MICU1: variants seen among roughly 807,000 people sequenced by gnomAD.
The protein encoded by MICU1 is mitochondrial calcium uptake 1.
A neutral mutation model predicts 56.8 loss-of-function variants in MICU1; 45 were observed. The ratio of observed to expected loss-of-function variants is 0.79; its 90% CI spans 0.62 to 1.02. The LOEUF (loss-of-function observed/expected upper bound fraction) is 1.02. Ranked by LOEUF, MICU1 falls within the 50% of genes least tolerant of loss-of-function variation. The pLI, the probability that MICU1 is intolerant of heterozygous loss-of-function variation, is 0.00. For synonymous variants in MICU1, 186 were observed against 195.1 expected (o/e 0.95, Z 0.39); for missense variants, 504 against 587.1 (o/e 0.86, Z 1.46).
At chr10:72,439,035 C>T (rs191331799) in intron 8 of MICU1, among the ~76,000 whole-genome samples, 26 of 152,328 alleles carry the variant, frequency 1.7e-4, no homozygotes, top group African/African-American at 5.8e-4. Context: ...AGGGAATCCT[C>T]CCTAACTCAT....
chr10:72,455,588 T>C (rs1415617248), intron 8 of MICU1, among the ~76,000 whole-genome samples: 2 of 152,106 alleles, frequency 1.3e-5, no homozygotes, highest in Admixed American at 6.6e-5. Flanking sequence ...TATTATAAAG[T>C]ATCACAGAAA....
chr10:72,387,704 T>C (rs1002772435), intron 10 of MICU1, among the ~76,000 whole-genome samples: 1 of 146,822 alleles, frequency 6.8e-6, no homozygotes, highest in African/African-American at 2.5e-5. Flanking sequence ...CTAATAAAAA[T>C]GTCAAAAGTG....
At chr10:72,486,079 A>G (rs1866465903) in intron 6 of MICU1, among the ~76,000 whole-genome samples, 1 of 152,204 alleles carries the variant, frequency 6.6e-6, no homozygotes, top group Non-Finnish European at 1.5e-5. Flanking sequence ...ACATCTCCCC[A>G]AATTTAAGTA....
At position 72,616,741 on chromosome 10, in the gene MICU1, T is replaced by A. The variant is rs143144206; in HGVS notation, c.-2+9269A>T. Among the ~76,000 whole-genome samples, 48 of 152,246 alleles carry A rather than the reference T, an allele frequency of 3.2e-4. No homozygotes were observed. In the East Asian group the frequency reaches 8.9e-3, roughly 28 times the overall value. On this transcript the variant is annotated intron_variant, in intron 1 of 11. Coordinates refer to ENST00000361114, the MANE Select transcript of MICU1 (RefSeq NM_001195518.2). Reference sequence around the variant, plus strand: ...TGATTATCTTCCTAGCCTCAGAAAGTTTCCTCACATACATCCACTGATCAG... The same window carrying A: ...TGATTATCTTCCTAGCCTCAGAAAGATTCCTCACATACATCCACTGATCAG...
intron 8 of MICU1, among the ~76,000 whole-genome samples, chr10:72,445,632 A>G (rs767059787): frequency 8.5e-5 from 13 of 152,154 alleles, no homozygotes; most frequent in Non-Finnish European, 7.3e-5. Flanking sequence ...TTGCATCCAT[A>G]TCAAGGCTGT....
intron 1 of MICU1, among the ~76,000 whole-genome samples, chr10:72,599,407 T>C (rs1841463668): frequency 6.6e-6 from 1 of 152,096 alleles, no homozygotes; most frequent in Admixed American, 6.6e-5. Flanking sequence ...CTGTTCTGAG[T>C]AGCAAGATGA....
intron 4 of MICU1, among the ~76,000 whole-genome samples, chr10:72,536,811 C>T (rs1433140862): frequency 1.3e-5 from 2 of 152,020 alleles, no homozygotes; most frequent in African/African-American, 2.4e-5. Flanking sequence ...TTTTCAAAAT[C>T]GGGGTGTATC....
chr10:72,575,400 C>T (rs573902968), intron 1 of MICU1, among the ~76,000 whole-genome samples: 3 of 152,236 alleles, frequency 2.0e-5, no homozygotes, highest in African/African-American at 7.2e-5. Flanking sequence ...AAATGTTACA[C>T]AGAAGCACAA....
intron 8 of MICU1, among the ~76,000 whole-genome samples, chr10:72,452,774 G>A (rs577226037): frequency 6.6e-6 from 1 of 151,890 alleles, no homozygotes; most frequent in East Asian, 1.9e-4. Flanking sequence ...TGTATTTGAA[G>A]CTATCTCATA....
intron 11 of MICU1, among the ~76,000 whole-genome samples, chr10:72,372,759 T>G (rs1360744413): frequency 6.6e-6 from 1 of 151,848 alleles, no homozygotes; most frequent in African/African-American, 2.4e-5. Flanking sequence ...GGAGAATCAC[T>G]TGAACCCAGG....
At chr10:72,468,724 T>A (rs1468822648) in intron 8 of MICU1, among the ~76,000 whole-genome samples, 3 of 152,172 alleles carry the variant, frequency 2.0e-5, no homozygotes, top group Non-Finnish European at 1.5e-5. Flanking sequence ...TTAGGTAGTA[T>A]CTTGCAAGCA....
chr10:72,420,455 A>G (rs1479992429), intron 9 of MICU1, among the ~76,000 whole-genome samples: 1 of 152,104 alleles, frequency 6.6e-6, no homozygotes, highest in Non-Finnish European at 1.5e-5. Context: ...TTTCCTTTAT[A>G]CATTACCAGT....
Position 72,566,799 on chromosome 10 carries a change from G to T in MICU1, c.-1-5C>A, listed in dbSNP as rs1382811351. Reference sequence around the variant, plus strand: ...AGTGAGTTCAGACGAAACATCCTGTGGACAATAAGTAGAAATGTCACTCTT... The same window carrying T: ...AGTGAGTTCAGACGAAACATCCTGTTGACAATAAGTAGAAATGTCACTCTT... On this transcript the variant is annotated splice_region_variant and splice_polypyrimidine_tract_variant and intron_variant, in intron 1 of 11. Coordinates refer to ENST00000361114, the MANE Select transcript of MICU1 (RefSeq NM_001195518.2). The T allele has an allele frequency of 6.2e-7, 1 of 1,604,560 alleles. No individual in the cohort carries two copies. Among genetic ancestry groups the T allele is most frequent in the Non-Finnish European group, 8.5e-7 (1 of 1,176,014 alleles).
At chr10:72,401,585 C>T (rs1038118918) in intron 10 of MICU1, among the ~76,000 whole-genome samples, 3 of 152,222 alleles carry the variant, frequency 2.0e-5, no homozygotes, top group South Asian at 2.1e-4. Context: ...ACCTGGAAGG[C>T]GAAGGTTGCA....
chr10:72,556,771 T>C (rs1280407033), intron 3 of MICU1, among the ~76,000 whole-genome samples: 1 of 152,036 alleles, frequency 6.6e-6, no homozygotes, highest in East Asian at 1.9e-4. Context: ...ATTTTGCCCA[T>C]GTTGAAAAAA....
rs1866153268 is a variant in MICU1 at position 72,477,259 on chromosome 10, G to T, written c.653-3C>A. 9.8e-6 allele frequency: 15 copies of T among 1,531,098 alleles called. No homozygotes were observed. Among genetic ancestry groups the T allele is most frequent in the Non-Finnish European group, 1.1e-5 (13 of 1,141,122 alleles). The allele number at this position is 1,531,098 out of a possible 1,614,324, so 94.8% of individuals were successfully genotyped here. On this transcript the variant is annotated splice_region_variant and splice_polypyrimidine_tract_variant and intron_variant, in intron 6 of 11. Coordinates refer to ENST00000361114, the MANE Select transcript of MICU1 (RefSeq NM_001195518.2). Reference sequence around the variant, plus strand: ...AATTTCAAAATTTCTCTGAGGAGCTGCAGAGGAGAGAAAAAAAATATTTAG... The same window carrying T: ...AATTTCAAAATTTCTCTGAGGAGCTTCAGAGGAGAGAAAAAAAATATTTAG...
intron 8 of MICU1, among the ~76,000 whole-genome samples, chr10:72,443,199 C>T (rs1193847170): frequency 6.6e-6 from 1 of 152,164 alleles, no homozygotes; most frequent in African/African-American, 2.4e-5. Context: ...TGTCCTTCGC[C>T]CACTTTTTGA....
intron 8 of MICU1, among the ~76,000 whole-genome samples, chr10:72,444,904 T>A (rs1865060795): frequency 6.6e-6 from 1 of 152,154 alleles, no homozygotes; most frequent in African/African-American, 2.4e-5. Context: ...CAAGACACAT[T>A]TTCCAGTCTA....
At chr10:72,586,001 CTTTTTTT>C (rs1431354386) in intron 1 of MICU1, among the ~76,000 whole-genome samples, 1 of 102,000 alleles carries the variant, frequency 9.8e-6, no homozygotes, top group African/African-American at 3.6e-5. Flanking sequence ...TTTATTTTTT[CTTTTTTT>C]TTTTCTTTTT....
Sources: allele counts gnomAD v4.1 joint callset (sites outside exome capture counted in the v4.1 genomes callset), GRCh38; gene constraint gnomAD v4.1.1; transcripts MANE v1.5; gene names NCBI Gene and HGNC (gene_info 2026-07-23, HGNC 2026-07-21).